Variants in CPNE4 observed in about 807,000 individuals in gnomAD.
CPNE4 encodes copine 4.
A neutral mutation model predicts 67.9 loss-of-function variants in CPNE4; 25 were observed. The observed-to-expected ratio is 0.37, with a 90% CI of 0.27 to 0.51. CPNE4 has a LOEUF of 0.51. CPNE4 is among the 20% of genes least tolerant of loss of function. The pLI, the probability that CPNE4 is intolerant of heterozygous loss-of-function variation, is 0.93. For missense variants in CPNE4, 464 were observed against 690.8 expected, an observed-to-expected ratio of 0.67 and a Z score of 3.68; for synonymous variants, 242 against 244.9, an observed-to-expected ratio of 0.99 and a Z score of 0.11.
chr3:131,785,671 T>TTCTCTCTCTC (rs10584037), intron 2 of CPNE4, among the ~76,000 whole-genome samples: 1 of 142,744 alleles, frequency 7.0e-6, no homozygotes, highest in African/African-American at 2.7e-5. Flanking sequence ...CTTTCTCTCT[T>TTCTCTCTCTC]TCTCTCTCTC....
intron 9 of CPNE4, among the ~76,000 whole-genome samples, chr3:131,580,948 C>A (rs113911853): frequency 6.6e-5 from 10 of 151,804 alleles, no homozygotes; most frequent in Non-Finnish European, 1.5e-4. Flanking sequence ...CTGAGGCAGG[C>A]GGATCATGAG....
At chr3:131,617,482 C>G (rs950021002) in intron 7 of CPNE4, among the ~76,000 whole-genome samples, 1 of 152,104 alleles carries the variant, frequency 6.6e-6, no homozygotes, top group Non-Finnish European at 1.5e-5. Flanking sequence ...GAGGTGAGGC[C>G]TCTTTTTTGG....
intron 2 of CPNE4, among the ~76,000 whole-genome samples, chr3:131,872,011 C>T (rs943861903): frequency 2.6e-5 from 4 of 152,158 alleles, no homozygotes; most frequent in East Asian, 1.9e-4. Context: ...GACACTGACA[C>T]GTCTCCATCA....
At chr3:131,554,446 A>G (rs1052652001) in intron 12 of CPNE4, among the ~76,000 whole-genome samples, 5 of 152,050 alleles carry the variant, frequency 3.3e-5, no homozygotes, top group African/African-American at 7.2e-5. Context: ...CTTGTTCTAT[A>G]TTCTTTCTCT....
chr3:131,985,753 T>C (rs1441157481), intron 1 of CPNE4: 1 of 153,140 alleles, frequency 6.5e-6, no homozygotes, highest in African/African-American at 2.4e-5. Flanking sequence ...GAATACTATA[T>C]TCAATGAAAA....
At chr3:131,607,426 C>T (rs1004986581) in intron 7 of CPNE4, among the ~76,000 whole-genome samples, 1 of 152,138 alleles carries the variant, frequency 6.6e-6, no homozygotes, top group Non-Finnish European at 1.5e-5. Flanking sequence ...GTAAACCCAT[C>T]CATTCACTGA....
At chr3:131,626,164 A>G (rs945156014) in intron 7 of CPNE4, among the ~76,000 whole-genome samples, 14 of 152,156 alleles carry the variant, frequency 9.2e-5, no homozygotes, top group African/African-American at 3.4e-4. Context: ...AATTAGGCCA[A>G]TATTGTTAAT....
At chr3:131,643,748 C>T (rs2079594486) in intron 7 of CPNE4, among the ~76,000 whole-genome samples, 1 of 152,144 alleles carries the variant, frequency 6.6e-6, no homozygotes, top group Admixed American at 6.5e-5. Context: ...CTGTTACCTC[C>T]ATGCTGCTGT....
chr3:131,912,396 G>A (rs1269547682), intron 1 of CPNE4, among the ~76,000 whole-genome samples: 1 of 151,996 alleles, frequency 6.6e-6, no homozygotes, highest in Non-Finnish European at 1.5e-5. Context: ...AAGAATAAGT[G>A]CATAATCACT....
intron 7 of CPNE4, among the ~76,000 whole-genome samples, chr3:131,622,138 T>G (rs1422177179): frequency 2.0e-5 from 3 of 151,712 alleles, no homozygotes. Flanking sequence ...GTCTCCTGAG[T>G]CTCTGTAACT....
At chr3:131,946,918 G>T (rs1049816375) in intron 1 of CPNE4, among the ~76,000 whole-genome samples, 2 of 152,098 alleles carry the variant, frequency 1.3e-5, no homozygotes, top group African/African-American at 4.8e-5. Flanking sequence ...ACTTTTGTAT[G>T]TAGATATCCA....
chr3:131,801,102 T>C (rs2107909728), intron 2 of CPNE4, among the ~76,000 whole-genome samples: 1 of 152,062 alleles, frequency 6.6e-6, no homozygotes, highest in East Asian at 1.9e-4. Flanking sequence ...TACATAAATA[T>C]ATATTTTCTC....
intron 1 of CPNE4, among the ~76,000 whole-genome samples, chr3:131,995,078 C>T (rs2073256419): frequency 6.6e-6 from 1 of 152,074 alleles, no homozygotes; most frequent in African/African-American, 2.4e-5. Context: ...TGGTCCCAAA[C>T]TCCTGGGCTC....
chr3:131,936,175 GA>G (rs1387033281), intron 1 of CPNE4, among the ~76,000 whole-genome samples: 1 of 151,668 alleles, frequency 6.6e-6, no homozygotes, highest in South Asian at 2.1e-4. Context: ...ACTAGAAGAC[GA>G]ATTTAAGCTA....
Position 131,822,770 on chromosome 3 carries a change from T to C in CPNE4, c.180+82494A>G, listed in dbSNP as rs768966346. ...TATTTAAACTTGTTTGTTTTTTAAG[T>C]ACTTTCCTTATTTCTCAGCAAGGAG... On this transcript the variant is annotated intron_variant, in intron 2 of 15. Coordinates refer to ENST00000429747, the MANE Select transcript of CPNE4 (RefSeq NM_130808.3). Among the ~76,000 whole-genome samples the C allele has an allele frequency of 3.2e-4, 49 of 152,362 alleles. 1 individual carries two copies. Among genetic ancestry groups the C allele is most frequent in the African/African-American group, 1.1e-3 (47 of 41,590 alleles).
chr3:131,801,300 T>C (rs946126809), intron 2 of CPNE4, among the ~76,000 whole-genome samples: 1 of 147,234 alleles, frequency 6.8e-6, no homozygotes, highest in Non-Finnish European at 1.5e-5. Flanking sequence ...TTATTGCATT[T>C]CCCAATAAAA....
Position 131,581,676 on chromosome 3 carries a change from G to C in CPNE4, c.781-11C>G, listed in dbSNP as rs1332783240. ...GCACTCCCACTGCACCTGAAAGAAG[G>C]GTCATAGCATGAGAATCTGTTCAGG... On this transcript the variant is annotated splice_polypyrimidine_tract_variant and intron_variant, in intron 8 of 15. Transcript: ENST00000429747. 1.3e-6 allele frequency: 2 copies of C among 1,592,348 alleles called. No homozygotes were observed.
At chr3:131,758,897 T>G (rs2082820770) in intron 2 of CPNE4, among the ~76,000 whole-genome samples, 1 of 152,128 alleles carries the variant, frequency 6.6e-6, no homozygotes, top group Non-Finnish European at 1.5e-5. Context: ...AAGAAGTGCC[T>G]TTTGCCTCCC....
intron 2 of CPNE4, among the ~76,000 whole-genome samples, chr3:131,749,099 T>C (rs1323230866): frequency 1.3e-5 from 2 of 152,178 alleles, no homozygotes; most frequent in African/African-American, 2.4e-5. Context: ...CACTCAGCAC[T>C]TCTTTAACTG....
Sources: gnomAD v4.1 joint callset for allele counts (sites outside exome capture counted in the v4.1 genomes callset) on GRCh38, gnomAD v4.1.1 for gene constraint, MANE v1.5 for transcripts, NCBI Gene and HGNC (gene_info 2026-07-23, HGNC 2026-07-21) for gene names.